The following TMEM25 variants were observed in gnomAD, a reference collection of about 807,000 sequenced individuals.
The protein encoded by TMEM25 is transmembrane protein 25, also known as 0610039J01Rik.
TMEM25 carries 36 observed loss-of-function variants against 37.0 expected under a neutral mutation model. That is an observed-to-expected ratio of 0.97 (90% CI 0.75 to 1.28). The LOEUF is 1.28. Among genes scored for constraint, TMEM25 ranks in the 50% most tolerant of loss-of-function variants. The pLI is 0.00. For synonymous variants in TMEM25, 197 were observed against 203.7 expected, an observed-to-expected ratio of 0.97 and a Z score of 0.28; for missense variants, 444 against 477.9, an observed-to-expected ratio of 0.93 and a Z score of 0.66.
chr11:118,532,452 A>G lies in TMEM25; in HGVS notation c.373A>G (p.Asn125Asp). The G allele has an allele frequency of 6.2e-7, 1 of 1,611,034 alleles. No homozygotes were observed. The highest frequency in any genetic ancestry group is 8.5e-7 in the Non-Finnish European group (1 of 1,177,848). ...ATCAGCCAACGCCTCTGTCATCCTT[A>G]ATGTGCAATGTGAGTGGCCCTGAGG... ...GRSANASVIL[N>D]VQFKPEIAQV... The change falls in exon 3 of 9, where the codon AAT becomes GAT. Residue 125 changes from asparagine to aspartate, a missense_variant. Asn to Asp is a conservative substitution (Grantham distance 23, BLOSUM62 1). Transcript: ENST00000313236.
chr11:118,539,522 T>C (rs1203375874), downstream of TMEM25, among the ~76,000 whole-genome samples: 1 of 152,116 alleles, frequency 6.6e-6, no homozygotes, highest in African/African-American at 2.4e-5. Context: ...TAGGTTTTTT[T>C]CTAGTATTTT....
At chr11:118,545,539 G>A (rs1280096470) in intron 8 of TMEM25, 30 of 1,466,072 alleles carry the variant, frequency 2.0e-5, no homozygotes, top group Non-Finnish European at 2.7e-5. Flanking sequence ...AACAAACTCC[G>A]GGAATTAGAG....
chr11:118,534,333 C>T lies in TMEM25; in HGVS notation c.1005C>T (p.Pro335=), dbSNP rs782473818. The stretch of plus-strand genomic sequence containing the variant: ...GGCCAGAGCTTCTGGACCCGGAGCC[C>T]GGCGGCCTCCTCACCAGCCAAGGTA... The part of the protein sequence containing the change: ...NSRPELLDPE[P]GGLLTSQGFI... Residue 335 remains proline, a synonymous_variant, in exon 8 of 9, where the codon CCC becomes CCT. Transcript: ENST00000313236. This position sits in a 1 kb window ranked among gnomAD's most constrained non-coding sequence, Gnocchi z 4.6. The T allele has an allele frequency of 2.7e-5, 43 of 1,613,952 alleles. No individual in the cohort carries two copies. Among genetic ancestry groups the T allele is most frequent in the Middle Eastern group, 1.6e-4 (1 of 6,084 alleles).
chr11:118,539,953 G>A (rs1033840434), downstream of TMEM25, among the ~76,000 whole-genome samples: 8 of 149,466 alleles, frequency 5.4e-5, no homozygotes, highest in East Asian at 4.0e-4. Context: ...CCCGGGAGGC[G>A]GAGGTTGCAG....
intron 1 of TMEM25, 55 bp downstream of exon 1, chr11:118,531,289 C>G: frequency 5.7e-6 from 2 of 348,090 alleles, no homozygotes; most frequent in South Asian, 5.6e-5. Context: ...ACCCCACCCT[C>G]CGACCCTCTC....
chr11:118,538,140 C>A (rs1951534516), downstream of TMEM25, among the ~76,000 whole-genome samples: 1 of 151,998 alleles, frequency 6.6e-6, no homozygotes, highest in Non-Finnish European at 1.5e-5. Flanking sequence ...GTTCCCTTTT[C>A]TCCTCATCCT....
chr11:118,534,728 A>G lies in TMEM25; in HGVS notation c.*148A>G. 5 of 1,454,496 alleles carry G rather than the reference A, an allele frequency of 3.4e-6. No homozygotes were observed. The highest frequency in any genetic ancestry group is 4.5e-6 in the Non-Finnish European group (5 of 1,103,468). The allele number at this position is 1,454,496 out of a possible 1,614,324, so 90.1% of individuals were successfully genotyped here. A position where few individuals can be genotyped will look rare whatever the true frequency, so the allele number is the denominator to read the frequency against. On this transcript the variant is annotated 3_prime_UTR_variant, in exon 9 of 9. Transcript: ENST00000313236. This position sits in a 1 kb window ranked among gnomAD's most constrained non-coding sequence, Gnocchi z 4.6. The stretch of plus-strand genomic sequence containing the variant: ...TCCTGGCTGGGGTGCCCTCCATGTC[A>G]TGCACGTGATGCATTTCACTGGGCT...
At chr11:118,543,424 AG>A (rs1386924923) in intron 8 of TMEM25, among the ~76,000 whole-genome samples, 1 of 152,132 alleles carries the variant, frequency 6.6e-6, no homozygotes, top group Non-Finnish European at 1.5e-5. Flanking sequence ...TATGTTCCTC[AG>A]TACCCTCCGT....
chr11:118,534,067 C>T lies in TMEM25; in HGVS notation c.875C>T (p.Pro292Leu). ...CTAAAACTCAACAACGTGCGCCTGC[C>T]ACGGGAGAACATGTCCCTCCCGTCC... ...NNLKLNNVRL[P>L]RENMSLPSNL... is the part of the protein sequence containing the mutation. Residue 292 changes from proline to leucine, a missense_variant, in exon 7 of 9, where the codon CCA (proline) becomes CTA (leucine). By Grantham distance (98) the Pro-to-Leu change is moderately conservative. Transcript: ENST00000313236. The surrounding 1 kb of genome is among the most constrained non-coding windows in gnomAD (Gnocchi z 4.6). 1.9e-6 allele frequency: 3 copies of T among 1,614,124 alleles called. No homozygotes were observed. The highest frequency in any genetic ancestry group is 3.3e-4 in the Middle Eastern group (2 of 6,062).
chr11:118,544,965 G>A (rs1555066660), intron 8 of TMEM25: 4 of 1,613,862 alleles, frequency 2.5e-6, no homozygotes, highest in Non-Finnish European at 2.5e-6. Context: ...GGTGGAATTG[G>A]ATGAAGGAGT....
chr11:118,533,368 T>G (rs559857391), intron 4 of TMEM25, 52 bp from the exon 5 acceptor site: 3 of 1,609,412 alleles, frequency 1.9e-6, no homozygotes, highest in Non-Finnish European at 2.5e-6. Flanking sequence ...CTATGGCATG[T>G]TGGGGCTGGG....
rs372978758 is a variant in TMEM25 at position 118,534,284 on chromosome 11, G to A, written c.956G>A (p.Arg319Gln). Residue 319 changes from arginine to glutamine, a missense_variant, in exon 8 of 9, where the codon CGG becomes CAG. Arg to Gln is a conservative substitution (Grantham distance 43). Transcript: ENST00000313236. This position sits in a 1 kb window ranked among gnomAD's most constrained non-coding sequence, Gnocchi z 4.6. ...CAACCAGCAGTGAAACCAGCAGACC[G>A]GCAGATGGCTCAGAACAACAGCCGG... is the stretch of plus-strand genomic sequence containing the variant. ...PDSRAVKPADRQMAQNNSRPE... is the reference protein window; with the variant it reads ...PDSRAVKPADQQMAQNNSRPE... 19 of 1,614,144 alleles carry A rather than the reference G, an allele frequency of 1.2e-5. No individual in the cohort carries two copies. The highest frequency in any genetic ancestry group is 2.2e-5 in the East Asian group (1 of 44,882).
At chr11:118,532,579 C>A in intron 3 of TMEM25, 118 bp downstream of exon 3, 1 of 1,165,186 alleles carries the variant, frequency 8.6e-7, no homozygotes. Context: ...CAAATATGAA[C>A]TCATTTGATC....
chr11:118,533,611 G>A (rs1245740854), intron 5 of TMEM25, 60 bp downstream of exon 5: 2 of 1,610,370 alleles, frequency 1.2e-6, no homozygotes, highest in African/African-American at 2.7e-5. Context: ...AGCCAAGACA[G>A]CAAGTGCAGC....
rs568840674 is a variant in TMEM25, at chr11:118,543,110, G to A, written c.1028-3009G>A. Among the ~76,000 whole-genome samples, 23 of 152,216 alleles carry A rather than the reference G, an allele frequency of 1.5e-4. 1 individual carries two copies. The South Asian group carries it at 4.6e-3, about 30-fold the overall frequency. On this transcript the variant is annotated intron_variant, in intron 8 of 8. Coordinates refer to the TMEM25 transcript ENST00000354284. Reference sequence around the variant, plus strand: ...CAAAACAAATTAGCCGGGTGTAGTGGTGCATGCCTGTAATCCCAGCTACTC... The same window carrying A: ...CAAAACAAATTAGCCGGGTGTAGTGATGCATGCCTGTAATCCCAGCTACTC...
Position 118,535,171 on chromosome 11 carries a change from A to G in TMEM25, c.*591A>G, listed in dbSNP as rs1951476216. On this transcript the variant is annotated 3_prime_UTR_variant, in exon 9 of 9. Coordinates refer to ENST00000313236, the MANE Select transcript of TMEM25 (RefSeq NM_032780.4). ...TTTGCTGCACACGTCTCTGCCCTTC[A>G]CTTCTTCTCTTCTGTCCCCACCTCC... 9.5e-7 allele frequency: 1 copy of G among 1,051,006 alleles called. No homozygotes were observed. Among genetic ancestry groups the G allele is most frequent in the Non-Finnish European group, 1.1e-6 (1 of 872,840 alleles). 65.1% of individuals were successfully genotyped at this position (1,051,006 alleles called of 1,614,324 possible). A position where few individuals can be genotyped will look rare whatever the true frequency, so the allele number is the denominator to read the frequency against.
At chr11:118,531,999 C>A in intron 2 of TMEM25, 128 bp downstream of exon 2, 1 of 1,373,414 alleles carries the variant, frequency 7.3e-7, no homozygotes, top group Non-Finnish European at 9.8e-7. Flanking sequence ...CCTTCACCCA[C>A]CTACCCTAGG....
At chr11:118,538,496 G>A (rs962042871), downstream of TMEM25, among the ~76,000 whole-genome samples, 5 of 151,988 alleles carry the variant, frequency 3.3e-5, no homozygotes, top group Non-Finnish European at 7.4e-5. Context: ...CGTTCTGATT[G>A]GGGTAAGCTT....
intron 3 of TMEM25, 39 bp from the exon 4 acceptor site, chr11:118,532,878 G>T: frequency 1.3e-6 from 2 of 1,582,128 alleles, no homozygotes; most frequent in Non-Finnish European, 1.7e-6. Context: ...AAGTATGAGG[G>T]GCTGTGGTGA....
Sources: allele counts gnomAD v4.1 joint callset (sites outside exome capture counted in the v4.1 genomes callset), GRCh38; gene constraint gnomAD v4.1.1; non-coding constraint Gnocchi (gnomAD v3.1); transcripts MANE v1.5; gene names NCBI Gene and HGNC (gene_info 2026-07-23, HGNC 2026-07-21).